The following ZPLD1 variants were observed in gnomAD, a reference collection of about 807,000 sequenced individuals.
ZPLD1 encodes zona pellucida like domain containing 1, also known as zona pellucida-like domain-containing protein 1.
ZPLD1 carries 34 observed loss-of-function variants against 47.2 expected under a neutral mutation model. That is an observed-to-expected ratio of 0.72 (90% CI 0.55 to 0.96). The LOEUF is 0.96. ZPLD1 is among the 40% of genes least tolerant of loss of function. ZPLD1 has a pLI of 0.00. For missense variants in ZPLD1, 512 were observed against 505.8 expected (o/e 1.01, Z -0.12); for synonymous variants, 176 against 186.2 (o/e 0.95, Z 0.45).
rs766804079 is a variant in ZPLD1 at position 102,469,093 on chromosome 3, T to C, written c.891T>C (p.Val297=). The C allele has an allele frequency of 6.2e-6, 10 of 1,614,022 alleles. No homozygotes were observed. Among genetic ancestry groups the C allele is most frequent in the Non-Finnish European group, 8.5e-6 (10 of 1,180,002 alleles). Residue 297 remains valine, a synonymous_variant, in exon 9 of 12, where the codon GTT becomes GTC. Transcript: ENST00000466937. ...TGTCCACTGTCTTCTTGCACTGCGTTACCAAGCTCTGCAGAGCAGATGACT... is the reference window on the plus strand; with the variant it reads ...TGTCCACTGTCTTCTTGCACTGCGTCACCAAGCTCTGCAGAGCAGATGACT... ...QKMSTVFLHC[V]TKLCRADDCP...
upstream of ZPLD1, among the ~76,000 whole-genome samples, chr3:102,432,792 T>C (rs1707031483): frequency 6.8e-6 from 1 of 147,654 alleles, no homozygotes; most frequent in Admixed American, 6.7e-5. Flanking sequence ...AGTAGCTAAA[T>C]GGCAAGAAAA....
chr3:102,396,795 A>G (rs898400334), intron 7 of ZPLD1, among the ~76,000 whole-genome samples: 2 of 152,060 alleles, frequency 1.3e-5, no homozygotes, highest in Non-Finnish European at 2.9e-5. Context: ...TCGGTGGTCT[A>G]TGAACATGCT....
chr3:102,409,224 T>C (rs1202707647), intron 7 of ZPLD1, among the ~76,000 whole-genome samples: 1 of 151,512 alleles, frequency 6.6e-6, no homozygotes, highest in African/African-American at 2.4e-5. Context: ...GAGAGAAAAA[T>C]AGGGGTCAGA....
intron 3 of ZPLD1, among the ~76,000 whole-genome samples, chr3:102,450,513 G>C (rs773913053): frequency 3.9e-5 from 6 of 152,092 alleles, no homozygotes; most frequent in Admixed American, 6.6e-5. Context: ...TCATAGAAGA[G>C]AGAGAGAGAG....
At chr3:102,414,067 A>G (rs182568222) in intron 7 of ZPLD1, among the ~76,000 whole-genome samples, 2 of 151,854 alleles carry the variant, frequency 1.3e-5, no homozygotes, top group African/African-American at 4.8e-5. Flanking sequence ...TACTTGCTGA[A>G]TGTGTTCACA....
At chr3:102,423,938 C>T (rs1313528214) in intron 8 of ZPLD1, among the ~76,000 whole-genome samples, 1 of 152,150 alleles carries the variant, frequency 6.6e-6, no homozygotes, top group Non-Finnish European at 1.5e-5. Context: ...ATACTCCATT[C>T]CAGGTAGCTG....
intron 7 of ZPLD1, among the ~76,000 whole-genome samples, chr3:102,412,676 A>T (rs946379276): frequency 5.3e-5 from 8 of 151,788 alleles, no homozygotes; most frequent in African/African-American, 1.9e-4. Context: ...CTTCAACATA[A>T]GGATGAATTT....
Position 102,425,141 on chromosome 3 carries a change from C to T in ZPLD1, c.-9+6934C>T, listed in dbSNP as rs377207279. 3.2e-4 allele frequency among the ~76,000 whole-genome samples: 48 copies of T among 152,158 alleles called. 1 individual carries two copies. In the East Asian group the frequency reaches 6.2e-3, roughly 20 times the overall value. On this transcript the variant is annotated intron_variant, in intron 8 of 17. Coordinates refer to the ZPLD1 transcript ENST00000491959. ...CTAATCTCTGCTCTTCTTCAAGCCTCATTTATATTTCATCTTTGTTTTATG... is the reference window on the plus strand; with the variant it reads ...CTAATCTCTGCTCTTCTTCAAGCCTTATTTATATTTCATCTTTGTTTTATG...
At chr3:102,395,587 C>G (rs1377846997) in intron 7 of ZPLD1, among the ~76,000 whole-genome samples, 2 of 152,120 alleles carry the variant, frequency 1.3e-5, no homozygotes, top group Non-Finnish European at 2.9e-5. Flanking sequence ...ATTTTAGCCC[C>G]ATAAGATCAA....
At chr3:102,467,924 TAAC>T (rs1216611481) in intron 8 of ZPLD1, among the ~76,000 whole-genome samples, 3 of 151,414 alleles carry the variant, frequency 2.0e-5, no homozygotes. Context: ...GCAACTTATA[TAAC>T]AACCAGTAAC....
chr3:102,474,758 T>TATC (rs1707733738), intron 10 of ZPLD1, among the ~76,000 whole-genome samples: 1 of 152,216 alleles, frequency 6.6e-6, no homozygotes, highest in African/African-American at 2.4e-5. Context: ...GCATTGCTGC[T>TATC]ATCACCTTTC....
intron 10 of ZPLD1, among the ~76,000 whole-genome samples, chr3:102,474,662 A>C (rs558706473): frequency 6.6e-6 from 1 of 152,196 alleles, no homozygotes; most frequent in African/African-American, 2.4e-5. Flanking sequence ...TTTGGTGGTC[A>C]TTTTTAAAAT....
intron 10 of ZPLD1, among the ~76,000 whole-genome samples, chr3:102,472,230 G>T (rs1303447648): frequency 6.6e-6 from 1 of 151,996 alleles, no homozygotes; most frequent in South Asian, 2.1e-4. Flanking sequence ...TGCTTTGACC[G>T]GCTTAAAAAT....
chr3:102,403,537 C>A (rs1706648329), intron 7 of ZPLD1, among the ~76,000 whole-genome samples: 1 of 151,946 alleles, frequency 6.6e-6, no homozygotes, highest in South Asian at 2.1e-4. Context: ...ATTCACATAA[C>A]ATTATCTGAG....
At chr3:102,466,812 GATAGAA>G (rs1296072627) in intron 8 of ZPLD1, among the ~76,000 whole-genome samples, 2 of 151,876 alleles carry the variant, frequency 1.3e-5, no homozygotes, top group Non-Finnish European at 2.9e-5. Context: ...AAGTAAGAAA[GATAGAA>G]ATAAAAAGGT....
At chr3:102,390,144 A>G (rs1204381837) in intron 6 of ZPLD1, among the ~76,000 whole-genome samples, 3 of 152,204 alleles carry the variant, frequency 2.0e-5, no homozygotes, top group Non-Finnish European at 2.9e-5. Context: ...AGTTTCTGTG[A>G]GATTTCTCCA....
chr3:102,466,706 G>C (rs1707598516), intron 8 of ZPLD1, among the ~76,000 whole-genome samples: 1 of 151,994 alleles, frequency 6.6e-6, no homozygotes, highest in South Asian at 2.1e-4. Flanking sequence ...ATTCAAAGGA[G>C]TGCAGATCAC....
intron 1 of ZPLD1, among the ~76,000 whole-genome samples, 189 bp downstream of exon 1, chr3:102,435,343 T>C (rs1216749524): frequency 5.9e-5 from 9 of 152,198 alleles, no homozygotes; most frequent in Non-Finnish European, 4.4e-5. Context: ...TGCCTTAATA[T>C]TAAAACACAG....
In ZPLD1 at chr3:102,435,174, A is replaced by G. The variant is rs1329909946; in HGVS notation, c.-123+20A>G. 1 of 1,613,916 alleles carries G rather than the reference A, an allele frequency of 6.2e-7. No individual in the cohort carries two copies. The highest frequency in any genetic ancestry group is 8.5e-7 in the Non-Finnish European group (1 of 1,179,794). On this transcript the variant is annotated intron_variant, in intron 1 of 11. Transcript: ENST00000466937. ...ATGAAGGTAAGGTTGAGGATGGGAA[A>G]TTTGCAAGATAATAGTTCATCAGTT...
Sources: gnomAD v4.1 joint callset for allele counts (sites outside exome capture counted in the v4.1 genomes callset) on GRCh38, gnomAD v4.1.1 for gene constraint, MANE v1.5 for transcripts, NCBI Gene and HGNC (gene_info 2026-07-23, HGNC 2026-07-21) for gene names.